The following PSMF1 variants were observed in gnomAD, a reference collection of about 807,000 sequenced individuals.
PSMF1 encodes the protein proteasome inhibitor subunit 1.
A neutral mutation model predicts 29.3 loss-of-function variants in PSMF1; 30 were observed. The ratio of observed to expected loss-of-function variants is 1.02; its 90% CI spans 0.77 to 1.39. The LOEUF (loss-of-function observed/expected upper bound fraction) is 1.39, where lower values mean the gene tolerates loss of function less well. Ranked by LOEUF, PSMF1 falls within the 40% of genes most tolerant of loss-of-function variation. The pLI is 0.00. For synonymous variants in PSMF1, 134 were observed against 139.7 expected (o/e 0.96, Z 0.29); for missense variants, 344 against 357.5 (o/e 0.96, Z 0.31).
At chr20:1,116,482 T>C (rs932866194), upstream of PSMF1, among the ~76,000 whole-genome samples, 6 of 152,156 alleles carry the variant, frequency 3.9e-5, no homozygotes, top group African/African-American at 1.4e-4. Flanking sequence ...AAGGAAACTT[T>C]AGGAACACAA....
intron 4 of PSMF1, chr20:1,161,779 T>C: frequency 2.5e-6 from 1 of 397,226 alleles, no homozygotes; most frequent in Non-Finnish European, 4.7e-6. Context: ...TGTATACACC[T>C]CATGCCAGCC....
At chr20:1,154,057 C>T (rs539386720) in intron 4 of PSMF1, among the ~76,000 whole-genome samples, 2 of 152,300 alleles carry the variant, frequency 1.3e-5, no homozygotes, top group African/African-American at 4.8e-5. Context: ...GTATGTATTA[C>T]TTGGCCATTA....
At chr20:1,162,813 C>A (rs550298626) in intron 4 of PSMF1, among the ~76,000 whole-genome samples, 18 of 152,118 alleles carry the variant, frequency 1.2e-4, no homozygotes, top group African/African-American at 4.1e-4. Context: ...CGTAAAACTT[C>A]TTGGTTCATT....
intron 4 of PSMF1, among the ~76,000 whole-genome samples, chr20:1,142,694 G>A (rs1320910056): frequency 3.3e-5 from 5 of 152,138 alleles, no homozygotes; most frequent in East Asian, 1.9e-4. Flanking sequence ...GGTTGGTTCC[G>A]AGTCTTTGCT....
chr20:1,137,886 G>T (rs754584513), intron 4 of PSMF1, among the ~76,000 whole-genome samples: 28 of 152,140 alleles, frequency 1.8e-4, no homozygotes, highest in Admixed American at 3.3e-4. Flanking sequence ...GATATGTCTG[G>T]GATTTACTTT....
rs745459028 is a variant in PSMF1, at chr20:1,166,213, C to T, written c.*1133C>T. 22 of 1,611,988 alleles carry T rather than the reference C, an allele frequency of 1.4e-5. No individual in the cohort carries two copies. The South Asian group carries it at 1.4e-4, about 10-fold the overall frequency. ...GGCCCACCTGACCTTTGGTGTTCTCCGGATCCTTTTCAGCCCGAGGCCTGA... is the reference window on the plus strand; with the variant it reads ...GGCCCACCTGACCTTTGGTGTTCTCTGGATCCTTTTCAGCCCGAGGCCTGA... On this transcript the variant is annotated 3_prime_UTR_variant, in exon 7 of 7. Transcript: ENST00000335877.
chr20:1,136,700 G>A (rs1238786369), intron 4 of PSMF1, among the ~76,000 whole-genome samples: 1 of 152,194 alleles, frequency 6.6e-6, no homozygotes, highest in African/African-American at 2.4e-5. Flanking sequence ...CCTGTATGTG[G>A]AATTATCTTG....
intron 4 of PSMF1, among the ~76,000 whole-genome samples, chr20:1,142,436 A>G (rs2086394997): frequency 1.3e-5 from 2 of 151,360 alleles, no homozygotes; most frequent in South Asian, 2.1e-4. Flanking sequence ...CCACCCCACA[A>G]CAGGCCCCGG....
In PSMF1 at chr20:1,163,247, A is replaced by G. The variant is rs2086688876; in HGVS notation, c.605+64A>G. The G allele has an allele frequency of 4.5e-6, 7 of 1,553,686 alleles. No homozygotes were observed. In the Admixed American group the frequency reaches 5.1e-5, roughly 11 times the overall value. The stretch of plus-strand genomic sequence containing the variant: ...TTTTGTGGCTTTTCAGCCCCAGCTC[A>G]TCTTCTAATTTTAGAGTTTTCGGTC... On this transcript the variant is annotated intron_variant, in intron 5 of 6. Coordinates refer to ENST00000335877, the MANE Select transcript of PSMF1 (RefSeq NM_006814.5). The surrounding 1 kb of genome is among the most constrained non-coding windows in gnomAD (Gnocchi z 6.1).
intron 3 of PSMF1, among the ~76,000 whole-genome samples, chr20:1,129,562 G>A (rs1178906107): frequency 2.6e-5 from 4 of 152,118 alleles, no homozygotes; most frequent in East Asian, 1.9e-4. Context: ...TATTTCCCAC[G>A]CAGCAGTTGG....
upstream of PSMF1, among the ~76,000 whole-genome samples, chr20:1,117,563 CA>C (rs1248959965): frequency 6.6e-6 from 1 of 152,190 alleles, no homozygotes; most frequent in Non-Finnish European, 1.5e-5. Flanking sequence ...AGGCTGGTCT[CA>C]AACTCCTGAC....
At chr20:1,123,214 C>A (rs1438107382) in intron 1 of PSMF1, among the ~76,000 whole-genome samples, 1 of 152,182 alleles carries the variant, frequency 6.6e-6, no homozygotes, top group Non-Finnish European at 1.5e-5. Context: ...GGATCTCTTT[C>A]CCCAGAGGAT....
At chr20:1,152,821 C>T (rs745797969) in intron 4 of PSMF1, among the ~76,000 whole-genome samples, 6 of 152,154 alleles carry the variant, frequency 3.9e-5, no homozygotes, top group Non-Finnish European at 8.8e-5. Flanking sequence ...GGGAAGAAAA[C>T]TCAAGGACAA....
intron 4 of PSMF1, among the ~76,000 whole-genome samples, chr20:1,161,997 G>A (rs1828764838): frequency 6.6e-6 from 1 of 152,194 alleles, no homozygotes; most frequent in Non-Finnish European, 1.5e-5. Flanking sequence ...TGAAGAACAT[G>A]CTTGTGGAAG....
chr20:1,116,106 ACAG>A (rs2086010026), upstream of PSMF1, among the ~76,000 whole-genome samples: 1 of 150,852 alleles, frequency 6.6e-6, no homozygotes, highest in Non-Finnish European at 1.5e-5. Flanking sequence ...TGTCTGGCCC[ACAG>A]TAGGCACTTA....
intron 4 of PSMF1, among the ~76,000 whole-genome samples, chr20:1,146,497 T>C (rs1169603021): frequency 6.6e-6 from 1 of 152,104 alleles, no homozygotes; most frequent in Non-Finnish European, 1.5e-5. Context: ...CTGTGGACAG[T>C]TGGAAACCAC....
intron 4 of PSMF1, among the ~76,000 whole-genome samples, chr20:1,143,507 A>G (rs571481961): frequency 6.6e-6 from 1 of 152,368 alleles, no homozygotes; most frequent in East Asian, 1.9e-4. Flanking sequence ...TAAATGTAAC[A>G]TACAATACCA....
intron 3 of PSMF1, among the ~76,000 whole-genome samples, chr20:1,130,572 G>T (rs2284373): frequency 0.21 from 31,293 of 152,160 alleles, 3,429 homozygotes; most frequent in South Asian, 0.27. Context: ...CGATTTAAAC[G>T]TCAGTTCCTT....
Position 1,127,484 on chromosome 20 carries a change from C to T in PSMF1, c.341C>T (p.Ala114Val), listed in dbSNP as rs903424150. 5.0e-6 allele frequency: 8 copies of T among 1,606,172 alleles called. No homozygotes were observed. The highest frequency in any genetic ancestry group is 6.8e-6 in the Non-Finnish European group (8 of 1,172,792). ...LTLNLDDYIDAEHLGDFHRTY... is the reference protein window; with the variant it reads ...LTLNLDDYIDVEHLGDFHRTY... ...CTGAACTTGGATGATTATATCGATG[C>T]AGAACACCTGGGTGACTTCCACAGG... The change falls in exon 3 of 7, where the codon GCA becomes GTA. Residue 114 changes from alanine to valine, a missense_variant. By Grantham distance (64) the Ala-to-Val change is moderately conservative (BLOSUM62 0). Coordinates refer to ENST00000335877, the MANE Select transcript of PSMF1 (RefSeq NM_006814.5).
Sources: allele counts gnomAD v4.1 joint callset (sites outside exome capture counted in the v4.1 genomes callset), GRCh38; gene constraint gnomAD v4.1.1; non-coding constraint Gnocchi (gnomAD v3.1); transcripts MANE v1.5; gene names NCBI Gene and HGNC (gene_info 2026-07-23, HGNC 2026-07-21).